Variants in BEGAIN observed in about 807,000 individuals in gnomAD.
BEGAIN encodes brain enriched guanylate kinase associated.
A neutral mutation model predicts 35.8 loss-of-function variants in BEGAIN; 19 were observed. The observed-to-expected ratio is 0.53, with a 90% CI of 0.37 to 0.78. The LOEUF (loss-of-function observed/expected upper bound fraction) is 0.78. Ranked by LOEUF, BEGAIN falls within the 30% of genes least tolerant of loss-of-function variation. The probability of loss-of-function intolerance (pLI) is 0.00; values close to 1 mark genes in which losing one functional copy is unlikely to be tolerated. For missense variants in BEGAIN, 795 were observed against 853.6 expected (o/e 0.93, Z 0.85); for synonymous variants, 462 against 388.6 (o/e 1.19, Z -2.22).
intron 6 of BEGAIN, among the ~76,000 whole-genome samples, chr14:100,539,929 C>T (rs10140839): frequency 0.015 from 2,260 of 152,232 alleles, 73 homozygotes; most frequent in African/African-American, 0.052. Context: ...AACGCACAGG[C>T]CTGGCTGGGA....
intron 2 of BEGAIN, among the ~76,000 whole-genome samples, chr14:100,556,219 C>A (rs952789316): frequency 6.6e-6 from 1 of 152,080 alleles, no homozygotes; most frequent in Non-Finnish European, 1.5e-5. Flanking sequence ...TTTGGATCCT[C>A]GACTCCGGGA....
intron 1 of BEGAIN, among the ~76,000 whole-genome samples, chr14:100,572,814 T>C (rs972957445): frequency 2.6e-5 from 4 of 152,168 alleles, no homozygotes; most frequent in Admixed American, 6.5e-5. Flanking sequence ...GCCTTCTAAC[T>C]GATCACTTGG....
At chr14:100,570,799 T>A (rs1487552059) in intron 1 of BEGAIN, among the ~76,000 whole-genome samples, 2 of 152,122 alleles carry the variant, frequency 1.3e-5, no homozygotes. Flanking sequence ...CAGCCATTCA[T>A]TGACCACAAG....
At chr14:100,560,994 A>G (rs1427640796) in intron 2 of BEGAIN, among the ~76,000 whole-genome samples, 1 of 151,836 alleles carries the variant, frequency 6.6e-6, no homozygotes, top group Non-Finnish European at 1.5e-5. Context: ...GCTCGGGCCC[A>G]GAGGCCTCCA....
intron 2 of BEGAIN, among the ~76,000 whole-genome samples, chr14:100,554,788 A>T (rs1403364571): frequency 2.7e-5 from 4 of 150,852 alleles, no homozygotes; most frequent in Non-Finnish European, 1.5e-5. Flanking sequence ...AGCTGCCCCA[A>T]CTCCTCTCTG....
chr14:100,562,541 A>C (rs2034348725), intron 2 of BEGAIN, among the ~76,000 whole-genome samples: 4 of 150,270 alleles, frequency 2.7e-5, no homozygotes, highest in Admixed American at 6.6e-5. Flanking sequence ...TGTCTTTGAC[A>C]CCCCCTTTTC....
At chr14:100,544,960 GGT>G (rs1480248196) in intron 4 of BEGAIN, 38 bp downstream of exon 4, 1 of 1,596,346 alleles carries the variant, frequency 6.3e-7, no homozygotes, top group Non-Finnish European at 8.5e-7. Flanking sequence ...CCGGGAAGGA[GGT>G]GTGGGGTGGG....
At chr14:100,565,363 TG>T (rs1227100937) in intron 2 of BEGAIN, among the ~76,000 whole-genome samples, 5 of 152,056 alleles carry the variant, frequency 3.3e-5, no homozygotes, top group South Asian at 4.2e-4. Context: ...GGCGACAGCA[TG>T]GGGGGGCAGC....
rs559231993 is a variant in BEGAIN, at chr14:100,560,837, C to G, written c.71+7074G>C. ...CCGTCTCACGTCCTGCAACTCTGTC[C>G]TGCTGCTGCTCAGGACAGACACGAG... On this transcript the variant is annotated intron_variant, in intron 2 of 6. Transcript: ENST00000554140. Among the ~76,000 whole-genome samples the G allele has an allele frequency of 2.6e-5, 4 of 152,342 alleles. No individual in the cohort carries two copies. In the South Asian group the frequency reaches 8.3e-4, roughly 32 times the overall value.
intron 1 of BEGAIN, chr14:100,578,044 G>T: frequency 2.5e-6 from 1 of 398,406 alleles, no homozygotes; most frequent in South Asian, 1.3e-4. Flanking sequence ...GCCCTCTTGG[G>T]GGCTGTGCCT....
intron 2 of BEGAIN, among the ~76,000 whole-genome samples, chr14:100,562,895 C>T (rs1291196202): frequency 2.0e-5 from 3 of 152,150 alleles, no homozygotes; most frequent in South Asian, 2.1e-4. Flanking sequence ...GCAGTCATTG[C>T]GGCGTCCTCA....
chr14:100,579,815 G>C (rs1046144858), intron 1 of BEGAIN, among the ~76,000 whole-genome samples: 2 of 152,026 alleles, frequency 1.3e-5, no homozygotes, highest in East Asian at 3.9e-4. Flanking sequence ...CCCTGTCCCC[G>C]CCCCTGGCTG....
Position 100,539,510 on chromosome 14 carries a change from G to T in BEGAIN, c.493-195C>A, listed in dbSNP as rs1233083198. ...CGCTGTACTGAACAAGCTCCCAGGG[G>T]TGTGGGTGCTGTGACTGCCTGGGGA... On this transcript the variant is annotated intron_variant, in intron 6 of 6. Transcript: ENST00000554140. 2.0e-5 allele frequency among the ~76,000 whole-genome samples: 3 copies of T among 152,190 alleles called. No individual in the cohort carries two copies. In the East Asian group the frequency reaches 5.8e-4, roughly 29 times the overall value.
At chr14:100,545,418 A>T in intron 3 of BEGAIN, 1 of 1,105,700 alleles carries the variant, frequency 9.0e-7, no homozygotes, top group Non-Finnish European at 1.1e-6. Context: ...CAAACCTGTT[A>T]TGGGGTTGAC....
rs1242137297 is a variant in BEGAIN, at chr14:100,538,390, C to CCCCCGG, written c.1412_1417dup (p.Ala471_Gly472dup). ...GCCGTCGGCCTTCTTGCCCGGGCTG[C>CCCCCGG]CCCCGGCCCCGCCGTAGTAGCGTTC... On this transcript the variant is annotated inframe_insertion, in exon 7 of 7. Coordinates refer to ENST00000554140, the MANE Select transcript of BEGAIN (RefSeq NM_001385089.1). 6.6e-7 allele frequency: 1 copy of CCCCCGG among 1,526,452 alleles called. No individual in the cohort carries two copies. Among genetic ancestry groups the CCCCCGG allele is most frequent in the Admixed American group, 2.1e-5 (1 of 47,182 alleles). The allele number at this position is 1,526,452 out of a possible 1,614,324, so 94.6% of individuals were successfully genotyped here. A position where few individuals can be genotyped will look rare whatever the true frequency, so the allele number is the denominator to read the frequency against.
chr14:100,563,666 G>C lies in BEGAIN; in HGVS notation c.71+4245C>G, dbSNP rs1301658516. 6.6e-6 allele frequency among the ~76,000 whole-genome samples: 1 copy of C among 152,178 alleles called. No individual in the cohort carries two copies. Among genetic ancestry groups the C allele is most frequent in the Non-Finnish European group, 1.5e-5 (1 of 68,044 alleles). On this transcript the variant is annotated intron_variant, in intron 2 of 6. Transcript: ENST00000554140. The surrounding 1 kb of genome is among the most constrained non-coding windows in gnomAD (Gnocchi z 4.2). ...TTCAAGAGTCTGTTCCGATCTTCCA[G>C]AGCTGACCCTATGCGCACCCTGTGC...
intron 6 of BEGAIN, 24 bp from the exon 7 acceptor site, chr14:100,539,339 A>G (rs374459097): frequency 6.0e-5 from 91 of 1,528,956 alleles, no homozygotes; most frequent in Non-Finnish European, 6.7e-5. Context: ...GAGGAGGGGG[A>G]CGGCGGGTAC....
At position 100,573,418 on chromosome 14, in the gene BEGAIN, C is replaced by T. The variant is rs1208130444; in HGVS notation, c.43-5479G>A. Among the ~76,000 whole-genome samples the T allele has an allele frequency of 1.3e-5, 2 of 152,098 alleles. No individual in the cohort carries two copies. Among genetic ancestry groups the T allele is most frequent in the African/African-American group, 4.8e-5 (2 of 41,462 alleles). On this transcript the variant is annotated intron_variant, in intron 1 of 6. Coordinates refer to ENST00000554140, the MANE Select transcript of BEGAIN (RefSeq NM_001385089.1). This position sits in a 1 kb window ranked among gnomAD's most constrained non-coding sequence, Gnocchi z 4.2. ...CCAGTGGGAAGGAGCAGCTGGGGTG[C>T]GGGGCCTCGTGCACCCTCATCAGGA...
chr14:100,573,834 C>T lies in BEGAIN; in HGVS notation c.43-5895G>A, dbSNP rs914618543. Among the ~76,000 whole-genome samples the T allele has an allele frequency of 4.6e-5, 7 of 151,980 alleles. No individual in the cohort carries two copies. The highest frequency in any genetic ancestry group is 3.9e-4 in the East Asian group (2 of 5,144). On this transcript the variant is annotated intron_variant, in intron 1 of 6. Transcript: ENST00000554140. The surrounding 1 kb of genome is among the most constrained non-coding windows in gnomAD (Gnocchi z 4.2). ...GACACAGCCGCAGCACTGGGGAGGC[C>T]GCCAGGGCAGCCACGGTGGGAGGCG...
Sources: gnomAD v4.1 joint callset for allele counts (sites outside exome capture counted in the v4.1 genomes callset) on GRCh38, gnomAD v4.1.1 for gene constraint, Gnocchi (gnomAD v3.1) non-coding constraint, MANE v1.5 for transcripts, NCBI Gene and HGNC (gene_info 2026-07-23, HGNC 2026-07-21) for gene names.